PCDHGB6: variants seen among roughly 807,000 people sequenced by gnomAD.
The protein encoded by PCDHGB6 is protocadherin gamma subfamily B, 6.
Under a neutral mutation model 59.1 loss-of-function variants are expected in PCDHGB6, and 51 were observed. The ratio of observed to expected loss-of-function variants is 0.86; its 90% CI spans 0.69 to 1.09. The LOEUF (loss-of-function observed/expected upper bound fraction) is 1.09. Among genes scored for constraint, PCDHGB6 ranks in the 50% least tolerant of loss-of-function variants. The pLI is 0.00. For synonymous variants in PCDHGB6, 466 were observed against 495.1 expected, an observed-to-expected ratio of 0.94 and a Z score of 0.78; for missense variants, 1,148 against 1,205.1, an observed-to-expected ratio of 0.95 and a Z score of 0.70.
Position 141,487,779 on chromosome 5 carries a change from T to C in PCDHGB6, c.2419-7028T>C, listed in dbSNP as rs1269811316. On this transcript the variant is annotated intron_variant, in intron 1 of 3. Coordinates refer to ENST00000520790, the MANE Select transcript of PCDHGB6 (RefSeq NM_018926.3). This position sits in a 1 kb window ranked among gnomAD's most constrained non-coding sequence, Gnocchi z 5.0. ...GTAGACGCTGTGCTTTGTAACTGTT[T>C]CGTGAATTAACCAGAGTTGTCACAG... is the stretch of plus-strand genomic sequence containing the variant. 2.6e-6 allele frequency: 4 copies of C among 1,530,492 alleles called. No individual in the cohort carries two copies. The highest frequency in any genetic ancestry group is 2.6e-6 in the Non-Finnish European group (3 of 1,133,212). The allele number at this position is 1,530,492 out of a possible 1,614,324, so 94.8% of individuals were successfully genotyped here. A position where few individuals can be genotyped will look rare whatever the true frequency, so the allele number is the denominator to read the frequency against.
chr5:141,422,078 A>G lies in PCDHGB6; in HGVS notation c.2418+11458A>G, dbSNP rs1442545718. 11 of 1,612,298 alleles carry G rather than the reference A, an allele frequency of 6.8e-6. No homozygotes were observed. In the South Asian group the frequency reaches 8.8e-5, roughly 13 times the overall value. Reference sequence around the variant, plus strand: ...GGGGAAGTAATGTATTCATTTCGGAACATGGAAAGCAAGGCTTCTGAAATA... The same window carrying G: ...GGGGAAGTAATGTATTCATTTCGGAGCATGGAAAGCAAGGCTTCTGAAATA... On this transcript the variant is annotated intron_variant, in intron 1 of 3. Coordinates refer to ENST00000520790, the MANE Select transcript of PCDHGB6 (RefSeq NM_018926.3).
chr5:141,470,972 C>T (rs1186771156), intron 1 of PCDHGB6, among the ~76,000 whole-genome samples: 3 of 151,988 alleles, frequency 2.0e-5, no homozygotes, highest in Non-Finnish European at 4.4e-5. Flanking sequence ...CCACCTCAGC[C>T]TCCCAAAGTG....
chr5:141,427,723 G>A, intron 1 of PCDHGB6: 1 of 1,127,490 alleles, frequency 8.9e-7, no homozygotes, highest in Non-Finnish European at 1.3e-6. Context: ...CTGGACCTAG[G>A]GCTGAATGGC....
At chr5:141,446,132 TA>T (rs1252851903) in intron 1 of PCDHGB6, among the ~76,000 whole-genome samples, 1 of 152,204 alleles carries the variant, frequency 6.6e-6, no homozygotes, top group African/African-American at 2.4e-5. Context: ...CAATAAGACT[TA>T]ATAATGGAAT....
Position 141,419,305 on chromosome 5 carries a change from G to A in PCDHGB6, c.2418+8685G>A, listed in dbSNP as rs778360128. ...TCAGTGCCTCTGACCCAGACTTCGGGCTCAACGGCCGTGTCTCCTACTCTC... is the reference window on the plus strand; with the variant it reads ...TCAGTGCCTCTGACCCAGACTTCGGACTCAACGGCCGTGTCTCCTACTCTC... On this transcript the variant is annotated intron_variant, in intron 1 of 3. Transcript: ENST00000520790. The A allele has an allele frequency of 3.1e-6, 5 of 1,613,906 alleles. No individual in the cohort carries two copies. The East Asian group carries it at 1.1e-4, about 36-fold the overall frequency.
Position 141,456,055 on chromosome 5 carries a change from G to A in PCDHGB6, c.2419-38752G>A, listed in dbSNP as rs78682041. On this transcript the variant is annotated intron_variant, in intron 1 of 3. Coordinates refer to ENST00000520790, the MANE Select transcript of PCDHGB6 (RefSeq NM_018926.3). Reference sequence around the variant, plus strand: ...TGGGACTACAGGCGCCCACCACCACGTCCGGCTAATTTTTTGTATTTTCAG... The same window carrying A: ...TGGGACTACAGGCGCCCACCACCACATCCGGCTAATTTTTTGTATTTTCAG... Among the ~76,000 whole-genome samples, 302 of 151,836 alleles carry A rather than the reference G, an allele frequency of 2.0e-3. 1 individual carries two copies. The highest frequency in any genetic ancestry group is 0.01 in the Middle Eastern group (3 of 292).
intron 1 of PCDHGB6, chr5:141,418,485 A>G (rs1216502936): frequency 6.2e-7 from 1 of 1,614,028 alleles, no homozygotes; most frequent in South Asian, 1.1e-5. Context: ...AGCGCTCACC[A>G]CTTGGTACTG....
rs748223478 is a variant in PCDHGB6 at position 141,415,687 on chromosome 5, G to T, written c.2418+5067G>T. ...TTACTTTGAAGTTTGCGGCATGATG[G>T]TGGAAAGTGTAAATGCTAAAACACT... On this transcript the variant is annotated intron_variant, in intron 1 of 3. Coordinates refer to ENST00000520790, the MANE Select transcript of PCDHGB6 (RefSeq NM_018926.3). 1.1e-5 allele frequency: 17 copies of T among 1,535,300 alleles called. No individual in the cohort carries two copies. In the South Asian group the frequency reaches 1.3e-4, roughly 12 times the overall value.
At chr5:141,504,594 C>T (rs2099839378) in intron 2 of PCDHGB6, among the ~76,000 whole-genome samples, 2 of 140,288 alleles carry the variant, frequency 1.4e-5, no homozygotes, top group South Asian at 4.4e-4. Context: ...GGATTCACAG[C>T]AAGAGGGAAC....
chr5:141,415,076 G>A (rs772523894), intron 1 of PCDHGB6: 3 of 1,613,462 alleles, frequency 1.9e-6, no homozygotes, highest in South Asian at 1.1e-5. Context: ...CGCACGGCGC[G>A]AGCCCTGCTG....
chr5:141,409,110 A>T lies in PCDHGB6; in HGVS notation c.908A>T (p.Asn303Ile). ...SLDEKTGMIK[N>I]NQSFDFEDVE... Reference sequence around the variant, plus strand: ...GATGAGAAAACAGGTATGATTAAGAATAACCAGTCATTTGATTTTGAAGAT... The same window carrying T: ...GATGAGAAAACAGGTATGATTAAGATTAACCAGTCATTTGATTTTGAAGAT... Residue 303 changes from asparagine to isoleucine, a missense_variant, in exon 1 of 4, where the codon AAT becomes ATT. Transcript: ENST00000520790. 6.2e-7 allele frequency: 1 copy of T among 1,614,060 alleles called. No homozygotes were observed. The highest frequency in any genetic ancestry group is 8.5e-7 in the Non-Finnish European group (1 of 1,179,896).
In PCDHGB6 at chr5:141,485,115, G is replaced by A. The variant is rs1043877839; in HGVS notation, c.2419-9692G>A. 6.9e-6 allele frequency: 9 copies of A among 1,300,470 alleles called. No individual in the cohort carries two copies. Among genetic ancestry groups the A allele is most frequent in the Non-Finnish European group, 1.1e-6 (1 of 911,406 alleles). 80.6% of individuals were successfully genotyped at this position (1,300,470 alleles called of 1,614,324 possible). ...GTGTCTCCAGCTGCTGTGGCTGTTT[G>A]GGGCGGGTCGGCTTCATCCGCGTCT... On this transcript the variant is annotated intron_variant, in intron 1 of 3. Coordinates refer to ENST00000520790, the MANE Select transcript of PCDHGB6 (RefSeq NM_018926.3). The surrounding 1 kb of genome is among the most constrained non-coding windows in gnomAD (Gnocchi z 5.7).
intron 1 of PCDHGB6, chr5:141,423,360 G>T (rs762976655): frequency 1.2e-6 from 2 of 1,614,224 alleles, no homozygotes; most frequent in South Asian, 2.2e-5. Context: ...TTGTCATCGT[G>T]CTGCTGGCAC....
intron 1 of PCDHGB6, chr5:141,421,708 C>T (rs2096594348): frequency 1.9e-6 from 3 of 1,613,780 alleles, no homozygotes; most frequent in South Asian, 2.2e-5. Flanking sequence ...TGCTAGGGAT[C>T]CAGATGTGGG....
intron 1 of PCDHGB6, among the ~76,000 whole-genome samples, chr5:141,472,273 G>A (rs2099275685): frequency 6.6e-6 from 1 of 152,170 alleles, no homozygotes; most frequent in South Asian, 2.1e-4. Context: ...CGGGCACAGT[G>A]GCTCACACCT....
At chr5:141,427,712 C>CCTGG (rs1319672065) in intron 1 of PCDHGB6, 7 of 1,051,350 alleles carry the variant, frequency 6.7e-6, no homozygotes, top group Non-Finnish European at 1.0e-5. Context: ...GCGCCTCTGA[C>CCTGG]CTGGACCTAG....
intron 1 of PCDHGB6, chr5:141,441,925 T>C (rs926242217): frequency 2.8e-6 from 1 of 353,614 alleles, no homozygotes; most frequent in Non-Finnish European, 5.4e-6. Flanking sequence ...ACACAATGCG[T>C]GGCTGTCCTA....
chr5:141,430,655 G>C (rs1309165721), intron 1 of PCDHGB6: 2 of 1,085,056 alleles, frequency 1.8e-6, no homozygotes, highest in Non-Finnish European at 2.6e-6. Flanking sequence ...TGGAAACAAC[G>C]GAGGAGCTCT....
intron 1 of PCDHGB6, among the ~76,000 whole-genome samples, chr5:141,454,420 T>C (rs889393211): frequency 6.6e-6 from 1 of 152,218 alleles, no homozygotes; most frequent in African/African-American, 2.4e-5. Context: ...TATTTATTTA[T>C]TTAGAGACAG....
Sources: allele counts gnomAD v4.1 joint callset (sites outside exome capture counted in the v4.1 genomes callset), GRCh38; gene constraint gnomAD v4.1.1; non-coding constraint Gnocchi (gnomAD v3.1); transcripts MANE v1.5; gene names NCBI Gene and HGNC (gene_info 2026-07-23, HGNC 2026-07-21).